Variants in ENTREP2 observed in about 807,000 individuals in gnomAD.
ENTREP2 encodes the protein endosomal transmembrane epsin interactor 2, also known as protein ENTREP2.
chr15:29,379,311 G>A, the ENTREP2 span, among the ~76,000 whole-genome samples: 1 of 152,138 alleles, frequency 6.6e-6, no homozygotes, highest in Admixed American at 6.5e-5. Flanking sequence ...CACAGGCCAC[G>A]CCTGACCTGG....
the ENTREP2 span, among the ~76,000 whole-genome samples, chr15:29,292,360 C>CTTCCTTCTTTCTTTCT: frequency 5.4e-5 from 8 of 147,960 alleles, no homozygotes; most frequent in South Asian, 2.1e-4. Context: ...TCCTTCCTTC[C>CTTCCTTCTTTCTTTCT]TTCCTTCTTT....
chr15:29,527,021 C>A, the ENTREP2 span, among the ~76,000 whole-genome samples: 3 of 152,168 alleles, frequency 2.0e-5, no homozygotes, highest in Non-Finnish European at 4.4e-5. Flanking sequence ...GCCACACTTT[C>A]CTTCTGCTGA....
At chr15:29,138,548 T>C in the ENTREP2 span, among the ~76,000 whole-genome samples, 1 of 150,988 alleles carries the variant, frequency 6.6e-6, no homozygotes, top group East Asian at 2.0e-4. Flanking sequence ...GTGTTGTGTG[T>C]GTGTGTGCAT....
chr15:29,525,074 A>T, the ENTREP2 span, among the ~76,000 whole-genome samples: 4 of 152,190 alleles, frequency 2.6e-5, no homozygotes, highest in Admixed American at 2.6e-4. Context: ...CCCGTGTTTA[A>T]AGGCAGGTGT....
chr15:29,416,842 T>C, the ENTREP2 span, among the ~76,000 whole-genome samples: 6 of 152,314 alleles, frequency 3.9e-5, no homozygotes, highest in South Asian at 4.1e-4. Context: ...GCAAAGGATA[T>C]GAACAGACAC....
the ENTREP2 span, among the ~76,000 whole-genome samples, chr15:29,574,974 T>C: frequency 1.3e-5 from 2 of 152,184 alleles, no homozygotes; most frequent in Non-Finnish European, 2.9e-5. Flanking sequence ...ATTATGGAGA[T>C]AATGAGGGAA....
the ENTREP2 span, among the ~76,000 whole-genome samples, chr15:29,131,771 A>G: frequency 2.1e-5 from 3 of 143,154 alleles, no homozygotes; most frequent in African/African-American, 7.8e-5. Context: ...TCTGTCCTAC[A>G]TCCTCTGGAG....
At chr15:29,580,128 T>C in the ENTREP2 span, among the ~76,000 whole-genome samples, 3 of 152,076 alleles carry the variant, frequency 2.0e-5, no homozygotes, top group South Asian at 2.1e-4. Context: ...ATTAAAGGCA[T>C]GAGTCACCAC....
chr15:29,398,106 C>A, the ENTREP2 span, among the ~76,000 whole-genome samples: 1 of 149,988 alleles, frequency 6.7e-6, no homozygotes, highest in Non-Finnish European at 1.5e-5. Flanking sequence ...AACATCCAAA[C>A]AAAACCAAAC....
chr15:29,555,194 G>T, the ENTREP2 span, among the ~76,000 whole-genome samples: 1 of 152,152 alleles, frequency 6.6e-6, no homozygotes, highest in African/African-American at 2.4e-5. Flanking sequence ...CTTTCCTCGG[G>T]GAACACCTCT....
chr15:29,441,664 C>A, the ENTREP2 span, among the ~76,000 whole-genome samples: 1 of 152,080 alleles, frequency 6.6e-6, no homozygotes, highest in African/African-American at 2.4e-5. Context: ...CATCTACTAC[C>A]ATTATCAGAA....
the ENTREP2 span, among the ~76,000 whole-genome samples, chr15:29,577,428 A>G: frequency 6.6e-6 from 1 of 151,660 alleles, no homozygotes; most frequent in South Asian, 2.1e-4. Context: ...AAGACGGCTC[A>G]TTGCAGCCTG....
chr15:29,126,457 C>G, the ENTREP2 span: 1 of 1,550,118 alleles, frequency 6.5e-7, no homozygotes. Flanking sequence ...TAGCAGTGCC[C>G]TCGGACACCA....
the ENTREP2 span, among the ~76,000 whole-genome samples, chr15:29,411,711 T>C: frequency 1.9e-4 from 29 of 152,238 alleles, no homozygotes; most frequent in African/African-American, 6.8e-4. Context: ...CGTTTCTCTG[T>C]CTTGTTTAAA....
At chr15:29,474,825 G>A in the ENTREP2 span, among the ~76,000 whole-genome samples, 1 of 152,130 alleles carries the variant, frequency 6.6e-6, no homozygotes, top group Non-Finnish European at 1.5e-5. Flanking sequence ...CCGAAGTGCT[G>A]GGATTACAGG....
At chr15:29,155,160 T>C in the ENTREP2 span, among the ~76,000 whole-genome samples, 1 of 151,874 alleles carries the variant, frequency 6.6e-6, no homozygotes, top group African/African-American at 2.4e-5. Flanking sequence ...CCGGCGCCTG[T>C]AGTCCCAGCT....
At chr15:29,130,803 T>C in the ENTREP2 span, among the ~76,000 whole-genome samples, 1 of 152,142 alleles carries the variant, frequency 6.6e-6, no homozygotes, top group African/African-American at 2.4e-5. Context: ...ATGGGGAAAA[T>C]AGCACTTCCT....
chr15:29,423,802 A>T, the ENTREP2 span, among the ~76,000 whole-genome samples: 1 of 152,030 alleles, frequency 6.6e-6, no homozygotes, highest in Non-Finnish European at 1.5e-5. Flanking sequence ...TCTCAAAAAA[A>T]AAATTTGATT....
At chr15:29,309,929 G>A in the ENTREP2 span, among the ~76,000 whole-genome samples, 6,198 of 152,146 alleles carry the variant, frequency 0.041, 409 homozygotes, top group African/African-American at 0.14. Context: ...CCTGGGCATA[G>A]GACTGAGACT....
Sources: gnomAD v4.1 joint callset for allele counts (sites outside exome capture counted in the v4.1 genomes callset) on GRCh38, gnomAD v4.1.1 for gene constraint, MANE v1.5 for transcripts, NCBI Gene and HGNC (gene_info 2026-07-23, HGNC 2026-07-21) for gene names.